The following KCNT2 variants were observed in gnomAD, a reference collection of about 807,000 sequenced individuals.
KCNT2 encodes potassium channel subfamily T member 2.
Under a neutral mutation model 153.8 loss-of-function variants are expected in KCNT2, and 67 were observed. The ratio of observed to expected loss-of-function variants is 0.44; its 90% confidence interval spans 0.36 to 0.53. The LOEUF (loss-of-function observed/expected upper bound fraction) is 0.53. Ranked by LOEUF, KCNT2 falls within the 20% of genes least tolerant of loss-of-function variation. The pLI is 0.00. For missense variants in KCNT2, 975 were observed against 1,354.8 expected (o/e 0.72, Z 4.40); for synonymous variants, 500 against 458.8 (o/e 1.09, Z -1.15).
At chr1:196,560,707 C>T (rs566977961) in intron 1 of KCNT2, among the ~76,000 whole-genome samples, 1 of 151,734 alleles carries the variant, frequency 6.6e-6, no homozygotes, top group Non-Finnish European at 1.5e-5. Context: ...TTTCTTCCCC[C>T]CTCTGGATAA....
intron 13 of KCNT2, among the ~76,000 whole-genome samples, chr1:196,376,592 C>T (rs908797483): frequency 6.6e-6 from 1 of 151,850 alleles, no homozygotes; most frequent in South Asian, 2.1e-4. Context: ...TTCCTCTAGG[C>T]TAACAACTTT....
At chr1:196,243,268 T>C (rs1655119139) in intron 26 of KCNT2, among the ~76,000 whole-genome samples, 1 of 152,124 alleles carries the variant, frequency 6.6e-6, no homozygotes, top group Admixed American at 6.5e-5. Flanking sequence ...TTAAGAAGTG[T>C]TTTTCCACAG....
At chr1:196,299,045 A>C (rs1660934784) in intron 22 of KCNT2, among the ~76,000 whole-genome samples, 1 of 152,124 alleles carries the variant, frequency 6.6e-6, no homozygotes. Context: ...ATTTTAAAGA[A>C]AGCAGTCTTG....
chr1:196,372,114 G>A (rs999691196), intron 14 of KCNT2, among the ~76,000 whole-genome samples: 1 of 151,986 alleles, frequency 6.6e-6, no homozygotes, highest in Non-Finnish European at 1.5e-5. Context: ...AGGCTTGTAA[G>A]TATATAGAAT....
At position 196,228,142 on chromosome 1, in the gene KCNT2, A is replaced by C. The variant is rs1285700682; in HGVS notation, c.*82T>G. ...ATATGAGAGAATTACATATATTTCC[A>C]TCTAGTTTCTTTCGTGCCAGCAAAA... On this transcript the variant is annotated 3_prime_UTR_variant, in exon 28 of 28. Coordinates refer to ENST00000294725, the MANE Select transcript of KCNT2 (RefSeq NM_198503.5). 1.4e-6 allele frequency: 1 copy of C among 714,530 alleles called. No homozygotes were observed. The highest frequency in any genetic ancestry group is 1.8e-5 in the African/African-American group (1 of 55,922). The allele number at this position is 714,530 out of a possible 1,614,324, so 44.3% of individuals were successfully genotyped here.
intron 26 of KCNT2, among the ~76,000 whole-genome samples, chr1:196,249,344 T>C (rs1558064864): frequency 6.6e-6 from 1 of 152,140 alleles, no homozygotes; most frequent in Non-Finnish European, 1.5e-5. Flanking sequence ...GTCATTCAAA[T>C]TGGAAAAGAA....
intron 13 of KCNT2, among the ~76,000 whole-genome samples, chr1:196,391,885 TA>T (rs1422774786): frequency 2.6e-5 from 4 of 151,110 alleles, no homozygotes; most frequent in Non-Finnish European, 5.9e-5. Context: ...TACAAAGAAA[TA>T]AAAAACATAA....
At chr1:196,499,123 C>G (rs12077460) in intron 1 of KCNT2, among the ~76,000 whole-genome samples, 2,400 of 152,222 alleles carry the variant, frequency 0.016, 20 homozygotes, top group Middle Eastern at 0.027. Context: ...GTTATACTTT[C>G]AAAACTCAAG....
At chr1:196,337,223 T>C (rs1323903732) in intron 16 of KCNT2, among the ~76,000 whole-genome samples, 1 of 151,828 alleles carries the variant, frequency 6.6e-6, no homozygotes, top group Non-Finnish European at 1.5e-5. Flanking sequence ...TTTCCCTAGT[T>C]GCTTAATCCG....
intron 12 of KCNT2, among the ~76,000 whole-genome samples, chr1:196,400,709 A>G (rs1221108632): frequency 6.6e-6 from 1 of 151,846 alleles, no homozygotes; most frequent in Non-Finnish European, 1.5e-5. Flanking sequence ...ATAATAAAAG[A>G]AGAAATAGAA....
At chr1:196,307,659 T>A (rs190814637) in intron 21 of KCNT2, among the ~76,000 whole-genome samples, 1 of 152,286 alleles carries the variant, frequency 6.6e-6, no homozygotes, top group African/African-American at 2.4e-5. Context: ...GGGCACTGAA[T>A]TTAATTAGAA....
chr1:196,410,766 T>C (rs1262796958), intron 12 of KCNT2, among the ~76,000 whole-genome samples: 2 of 151,372 alleles, frequency 1.3e-5, no homozygotes, highest in Admixed American at 1.3e-4. Context: ...CTTGGTGTTA[T>C]AACCAAGAAA....
At chr1:196,526,388 C>T (rs1246172634) in intron 1 of KCNT2, among the ~76,000 whole-genome samples, 1 of 150,740 alleles carries the variant, frequency 6.6e-6, no homozygotes, top group African/African-American at 2.4e-5. Context: ...ATAAATTATA[C>T]ATATATAATT....
intron 1 of KCNT2, among the ~76,000 whole-genome samples, chr1:196,536,743 A>ACCTGC (rs1655628618): frequency 6.6e-6 from 1 of 152,158 alleles, no homozygotes; most frequent in Admixed American, 6.5e-5. Context: ...TCCATACGAC[A>ACCTGC]ACTGCAGCCT....
At chr1:196,374,858 G>C (rs1375939951) in intron 13 of KCNT2, among the ~76,000 whole-genome samples, 2 of 151,722 alleles carry the variant, frequency 1.3e-5, no homozygotes, top group Non-Finnish European at 3.0e-5. Context: ...CAGATGATCT[G>C]AGAAAAATAT....
In KCNT2 at chr1:196,383,180, GAAGGGCC is replaced by G. The variant is rs539895473; in HGVS notation, c.1295-9939_1295-9933del. Among the ~76,000 whole-genome samples the G allele has an allele frequency of 8.5e-5, 13 of 152,242 alleles. No individual in the cohort carries two copies. The South Asian group carries it at 2.7e-3, about 32-fold the overall frequency. ...TAATGGTTCTCAAGCTATTTGTGAT[GAAGGGCC>G]AGTTTTCTTTTTCTTTTTAATTGTA... On this transcript the variant is annotated intron_variant, in intron 13 of 27. Coordinates refer to ENST00000294725, the MANE Select transcript of KCNT2 (RefSeq NM_198503.5).
chr1:196,479,301 C>T, intron 4 of KCNT2, 63 bp from the exon 5 acceptor site: 2 of 930,506 alleles, frequency 2.1e-6, no homozygotes, highest in Non-Finnish European at 3.4e-6. Context: ...ATATTCTTGG[C>T]TATACTACTA....
intron 14 of KCNT2, among the ~76,000 whole-genome samples, chr1:196,344,492 A>G (rs1665968684): frequency 6.6e-6 from 1 of 152,202 alleles, no homozygotes; most frequent in Non-Finnish European, 1.5e-5. Flanking sequence ...TTGGCAAACA[A>G]AAATAAAGTT....
Position 196,333,870 on chromosome 1 carries a change from A to G in KCNT2, c.1974T>C (p.Asp658=), listed in dbSNP as rs778122524. Residue 658 remains aspartate (D), a synonymous_variant, in exon 17 of 28, where the codon GAT becomes GAC. Transcript: ENST00000294725. ...SDQSEDETTP[D]EEMSSNLEYA... ...ACTCTAAGTTTGAAGACATTTCTTC[A>G]TCTGGTGTAGTTTCATCTTCTGATT... 2 of 1,610,114 alleles carry G rather than the reference A, an allele frequency of 1.2e-6. No individual in the cohort carries two copies. The highest frequency in any genetic ancestry group is 1.7e-6 in the Non-Finnish European group (2 of 1,176,914).
Sources: gnomAD v4.1 joint callset for allele counts (sites outside exome capture counted in the v4.1 genomes callset) on GRCh38, gnomAD v4.1.1 for gene constraint, MANE v1.5 for transcripts, NCBI Gene and HGNC (gene_info 2026-07-23, HGNC 2026-07-21) for gene names.